Variants in PIP5K1C observed in about 807,000 individuals in gnomAD.
PIP5K1C encodes the protein phosphatidylinositol 4-phosphate 5-kinase type-1 gamma.
A neutral mutation model predicts 80.1 loss-of-function variants in PIP5K1C; 45 were observed. The observed-to-expected ratio is 0.56, with a 90% confidence interval of 0.44 to 0.72. The LOEUF is 0.72. PIP5K1C is among the 30% of genes least tolerant of loss of function. The probability of loss-of-function intolerance (pLI) is 0.00; values close to 1 mark genes in which losing one functional copy is unlikely to be tolerated. For synonymous variants in PIP5K1C, 498 were observed against 420.1 expected, an observed-to-expected ratio of 1.19 and a Z score of -2.27; for missense variants, 753 against 954.6, an observed-to-expected ratio of 0.79 and a Z score of 2.78.
chr19:3,632,295 C>T lies in PIP5K1C; in HGVS notation c.*872G>A, dbSNP rs1372203686. On this transcript the variant is annotated 3_prime_UTR_variant, in exon 18 of 18. Coordinates refer to ENST00000335312, the MANE Select transcript of PIP5K1C (RefSeq NM_012398.3). ...GAGCTGGTCTCCTGTGGCCCAAGGCCCGGCCTCCCGCTCTGTCCTGCCATG... is the reference window on the plus strand; with the variant it reads ...GAGCTGGTCTCCTGTGGCCCAAGGCTCGGCCTCCCGCTCTGTCCTGCCATG... 6.6e-6 allele frequency: 1 copy of T among 152,350 alleles called. No homozygotes were observed. Among genetic ancestry groups the T allele is most frequent in the East Asian group, 1.9e-4 (1 of 5,194 alleles). 9.4% of individuals were successfully genotyped at this position (152,350 alleles called of 1,614,324 possible).
At chr19:3,675,065 G>A (rs1160210906) in intron 1 of PIP5K1C, among the ~76,000 whole-genome samples, 8 of 152,160 alleles carry the variant, frequency 5.3e-5, no homozygotes, top group Non-Finnish European at 1.2e-4. Context: ...GAGACAGGGA[G>A]GGGATGCATG....
In PIP5K1C at chr19:3,651,915, CCG is replaced by C; in HGVS notation, c.1036_1037del (p.Arg346AlafsTer29). ...AGTAGAGCGCCTTCTGGCCCACAGGCCGCTTCTCATCTGAGGTGCTCTGGGCG... is the reference window on the plus strand; with the variant it reads ...AGTAGAGCGCCTTCTGGCCCACAGGCCTTCTCATCTGAGGTGCTCTGGGCG... Reference protein sequence around the residue: ...QGAQSTSDEKRPVGQKALYST... With the variant: ...QGAQSTSDEKXPVGQKALYST... On this transcript the variant is annotated frameshift_variant, in exon 8 of 18. Coordinates refer to ENST00000335312, the MANE Select transcript of PIP5K1C (RefSeq NM_012398.3). LOFTEE classifies it high-confidence loss of function. 6.2e-7 allele frequency: 1 copy of C among 1,612,878 alleles called. No homozygotes were observed.
intron 1 of PIP5K1C, among the ~76,000 whole-genome samples, chr19:3,681,537 T>C (rs890607389): frequency 3.9e-5 from 6 of 152,222 alleles, no homozygotes; most frequent in East Asian, 3.9e-4. Flanking sequence ...TGGCCCACTT[T>C]TGTCTTTTGT....
At chr19:3,667,131 G>A (rs576042436) in intron 2 of PIP5K1C, among the ~76,000 whole-genome samples, 191 bp downstream of exon 2, 47 of 152,250 alleles carry the variant, frequency 3.1e-4, no homozygotes, top group African/African-American at 8.4e-4. Flanking sequence ...CCTCCATCAC[G>A]GAATTTCACC....
At chr19:3,679,005 G>A (rs1183593710) in intron 1 of PIP5K1C, among the ~76,000 whole-genome samples, 1 of 150,958 alleles carries the variant, frequency 6.6e-6, no homozygotes, top group East Asian at 1.9e-4. Flanking sequence ...GAGGGATGGT[G>A]GGATGGAGGG....
At position 3,688,380 on chromosome 19, in the gene PIP5K1C, G is replaced by A. The variant is rs998323788; in HGVS notation, c.94+11917C>T. On this transcript the variant is annotated intron_variant, in intron 1 of 17. Transcript: ENST00000335312. This position sits in a 1 kb window ranked among gnomAD's most constrained non-coding sequence, Gnocchi z 5.3. Reference sequence around the variant, plus strand: ...AGGAGCTCCTGTTCCTCACCTGCGAGGGGGGGACGGCCTCTGGCCCCCTGC... The same window carrying A: ...AGGAGCTCCTGTTCCTCACCTGCGAAGGGGGGACGGCCTCTGGCCCCCTGC... 5.9e-5 allele frequency among the ~76,000 whole-genome samples: 9 copies of A among 152,072 alleles called. No individual in the cohort carries two copies. The highest frequency in any genetic ancestry group is 3.9e-4 in the Admixed American group (6 of 15,278).
At chr19:3,653,970 A>G (rs2034537139) in intron 6 of PIP5K1C, among the ~76,000 whole-genome samples, 1 of 152,218 alleles carries the variant, frequency 6.6e-6, no homozygotes, top group Admixed American at 6.5e-5. Context: ...ATGTATGTAT[A>G]TGCACACACA....
intron 1 of PIP5K1C, among the ~76,000 whole-genome samples, chr19:3,670,609 C>T (rs1439063686): frequency 2.6e-5 from 4 of 152,360 alleles, no homozygotes; most frequent in African/African-American, 7.2e-5. Flanking sequence ...CCCCCAGTCC[C>T]GGGGACTTTG....
At chr19:3,640,279 C>T (rs181240252) in intron 15 of PIP5K1C, among the ~76,000 whole-genome samples, 209 of 152,252 alleles carry the variant, frequency 1.4e-3, no homozygotes, top group African/African-American at 4.4e-3. Flanking sequence ...TGTGGGAGGC[C>T]GAGGCGGGAG....
At chr19:3,661,380 C>T (rs1337555894) in intron 4 of PIP5K1C, among the ~76,000 whole-genome samples, 1 of 152,254 alleles carries the variant, frequency 6.6e-6, no homozygotes, top group Non-Finnish European at 1.5e-5. Flanking sequence ...CACGTGACTG[C>T]ACTCAGCCAA....
At chr19:3,669,870 G>C (rs1307380417) in intron 1 of PIP5K1C, 1 of 152,266 alleles carries the variant, frequency 6.6e-6, no homozygotes, top group East Asian at 1.9e-4. Flanking sequence ...ACTTGGTGGA[G>C]CAGCCCATAG....
intron 7 of PIP5K1C, 37 bp downstream of exon 7, chr19:3,653,253 T>A (rs2034512779): frequency 6.3e-7 from 1 of 1,591,910 alleles, no homozygotes; most frequent in Admixed American, 1.7e-5. Context: ...CAGTCCCACC[T>A]GCCACCCTCC....
At chr19:3,697,832 G>A (rs2036173035) in intron 1 of PIP5K1C, among the ~76,000 whole-genome samples, 1 of 152,218 alleles carries the variant, frequency 6.6e-6, no homozygotes, top group Admixed American at 6.5e-5. Context: ...CCACACAGTG[G>A]GCACAGCCGC....
At chr19:3,678,315 TGGAGGGAC>T (rs2035460672) in intron 1 of PIP5K1C, among the ~76,000 whole-genome samples, 1 of 67,516 alleles carries the variant, frequency 1.5e-5, no homozygotes, top group African/African-American at 6.2e-5. Context: ...GACGGAGGGA[TGGAGGGAC>T]GGAGGGATGC....
chr19:3,700,030 G>T (rs1313217812), intron 1 of PIP5K1C, among the ~76,000 whole-genome samples: 2 of 152,290 alleles, frequency 1.3e-5, no homozygotes, highest in Middle Eastern at 6.8e-3. Context: ...AGCGGGTCAG[G>T]CAGAACGGGG....
intron 16 of PIP5K1C, among the ~76,000 whole-genome samples, chr19:3,634,402 T>C (rs982835648): frequency 5.9e-5 from 9 of 151,764 alleles, no homozygotes; most frequent in Admixed American, 2.6e-4. Flanking sequence ...CTCTCGGGCC[T>C]CTGTCACCAA....
chr19:3,651,755 G>T (rs925302725), intron 8 of PIP5K1C, 71 bp downstream of exon 8: 1 of 1,454,556 alleles, frequency 6.9e-7, no homozygotes, highest in Non-Finnish European at 9.6e-7. Flanking sequence ...TCACACTTGG[G>T]ACGGGGATGG....
intron 7 of PIP5K1C, among the ~76,000 whole-genome samples, chr19:3,652,685 G>A (rs574394572): frequency 9.8e-5 from 15 of 152,328 alleles, no homozygotes; most frequent in Admixed American, 3.9e-4. Context: ...CGGAGCCAAC[G>A]CAGGCTCCAC....
chr19:3,674,950 G>A (rs1053406771), intron 1 of PIP5K1C, among the ~76,000 whole-genome samples: 7 of 152,170 alleles, frequency 4.6e-5, no homozygotes, highest in South Asian at 2.1e-4. Context: ...GCCACAGCAC[G>A]GATGCACCTT....
Sources: gnomAD v4.1 joint callset for allele counts (sites outside exome capture counted in the v4.1 genomes callset) on GRCh38, gnomAD v4.1.1 for gene constraint, Gnocchi (gnomAD v3.1) non-coding constraint, MANE v1.5 for transcripts, NCBI Gene and HGNC (gene_info 2026-07-23, HGNC 2026-07-21) for gene names.